Variants in CAPRIN2 observed in about 807,000 individuals in gnomAD.
CAPRIN2 encodes caprin-2.
Under a neutral mutation model 130.4 loss-of-function variants are expected in CAPRIN2, and 66 were observed. The ratio of observed to expected loss-of-function variants is 0.51; its 90% CI spans 0.42 to 0.62. The LOEUF (loss-of-function observed/expected upper bound fraction) is 0.62. Among genes scored for constraint, CAPRIN2 ranks in the 20% least tolerant of loss-of-function variants. The pLI is 0.00. For missense variants in CAPRIN2, 1,185 were observed against 1,246.6 expected (o/e 0.95, Z 0.74); for synonymous variants, 471 against 444.1 (o/e 1.06, Z -0.76).
intron 14 of CAPRIN2, among the ~76,000 whole-genome samples, chr12:30,714,221 A>T (rs2056568448): frequency 6.6e-6 from 1 of 152,068 alleles, no homozygotes; most frequent in Non-Finnish European, 1.5e-5. Flanking sequence ...TCGCTCTGTT[A>T]CTCAGGCTGG....
chr12:30,740,558 A>G (rs2066989948), intron 3 of CAPRIN2, among the ~76,000 whole-genome samples: 1 of 152,224 alleles, frequency 6.6e-6, no homozygotes, highest in Non-Finnish European at 1.5e-5. Context: ...ATTTAACTCT[A>G]TTTAACATGA....
intron 2 of CAPRIN2, among the ~76,000 whole-genome samples, chr12:30,748,228 T>C (rs188663977): frequency 3.9e-5 from 6 of 152,296 alleles, no homozygotes; most frequent in African/African-American, 1.4e-4. Flanking sequence ...TCTAACAGCA[T>C]CACATACTAC....
chr12:30,732,700 A>G (rs778854176), intron 5 of CAPRIN2, among the ~76,000 whole-genome samples: 1 of 152,050 alleles, frequency 6.6e-6, no homozygotes, highest in Non-Finnish European at 1.5e-5. Flanking sequence ...AGATTCATCT[A>G]TGTTGTTACA....
intron 8 of CAPRIN2, among the ~76,000 whole-genome samples, chr12:30,727,977 A>G (rs1052148915): frequency 1.3e-5 from 2 of 152,210 alleles, no homozygotes; most frequent in African/African-American, 4.8e-5. Context: ...ATAGCAGGTA[A>G]ATGACAACAA....
chr12:30,714,995 T>C (rs2056960750), exon 14 of CAPRIN2: 1 of 1,613,874 alleles, frequency 6.2e-7, no homozygotes, highest in South Asian at 1.1e-5. Flanking sequence ...GAATTGGTTA[T>C]TAATCTCCCA....
exon 8 of CAPRIN2, chr12:30,728,910 G>C (rs2137771029): frequency 6.2e-7 from 1 of 1,614,138 alleles, no homozygotes; most frequent in East Asian, 2.2e-5. Context: ...TTGCTTCTTT[G>C]GATCTTGTTC....
At chr12:30,733,670 T>C in exon 5 of CAPRIN2, 1 of 1,613,492 alleles carries the variant, frequency 6.2e-7, no homozygotes, top group Non-Finnish European at 8.5e-7. Flanking sequence ...TTCCAAAAGG[T>C]CCCAAAAGTA....
intron 2 of CAPRIN2, among the ~76,000 whole-genome samples, chr12:30,741,721 C>A (rs1384161440): frequency 6.6e-6 from 1 of 152,018 alleles, no homozygotes; most frequent in Admixed American, 6.5e-5. Context: ...TGAAACAGAA[C>A]AAGGTGGAGA....
At chr12:30,728,952 G>A (rs1310234450) in exon 8 of CAPRIN2, 2 of 1,614,158 alleles carry the variant, frequency 1.2e-6, no homozygotes, top group South Asian at 1.1e-5. Context: ...CAGCTTTGGT[G>A]TCTCCTGTTT....
intron 2 of CAPRIN2, among the ~76,000 whole-genome samples, chr12:30,744,331 AGTT>A (rs2068868270): frequency 6.6e-6 from 1 of 152,172 alleles, no homozygotes; most frequent in Non-Finnish European, 1.5e-5. Flanking sequence ...AAAAATCTGT[AGTT>A]GTTCCCTGCT....
chr12:30,720,990 CTAATA>C (rs1436453918), intron 11 of CAPRIN2, 75 bp from the exon 13 acceptor site: 3 of 991,828 alleles, frequency 3.0e-6, no homozygotes, highest in Admixed American at 1.8e-5. Context: ...CCTGGCCTTC[CTAATA>C]TGTTACTCTT....
In CAPRIN2 at chr12:30,739,714, C is replaced by CAA. The variant is rs370274976; in HGVS notation, c.570+1304_570+1305dup. On this transcript the variant is annotated intron_variant, in intron 3 of 16. Coordinates refer to ENST00000298892, the Ensembl canonical transcript of CAPRIN2. Reference sequence around the variant, plus strand: ...TGGGCGACAGGGCAAGACTCCGTCTCAAAAAAAAAAAAAAAAGAATAAGTT... The same window carrying CAA: ...TGGGCGACAGGGCAAGACTCCGTCTCAAAAAAAAAAAAAAAAAAGAATAAGTT... Among the ~76,000 whole-genome samples, 41 of 113,704 alleles carry CAA rather than the reference C, an allele frequency of 3.6e-4. 1 individual carries two copies. The highest frequency in any genetic ancestry group is 6.3e-4 in the African/African-American group (20 of 31,764). 74.6% of individuals were successfully genotyped at this position (113,704 alleles called of 152,430 possible).
intron 2 of CAPRIN2, among the ~76,000 whole-genome samples, chr12:30,748,726 G>C (rs2072031744): frequency 6.6e-6 from 1 of 151,942 alleles, no homozygotes; most frequent in Non-Finnish European, 1.5e-5. Flanking sequence ...TTGCATGTAT[G>C]AGGTGTGATT....
intron 12 of CAPRIN2, among the ~76,000 whole-genome samples, chr12:30,718,051 G>T (rs567911232): frequency 2.4e-4 from 37 of 152,320 alleles, no homozygotes; most frequent in African/African-American, 8.2e-4. Flanking sequence ...AACAGGCAGA[G>T]AAAACAGATT....
In CAPRIN2 at chr12:30,710,038, T is replaced by G; in HGVS notation, c.3098A>C (p.His1033Pro). The change falls in exon 17 of 17, where the codon CAT becomes CCT. Residue 1033 changes from histidine (H) to proline (P), a missense_variant. Physicochemically the swap from His to Pro is moderately conservative, Grantham distance 77 (BLOSUM62 -2). Transcript: ENST00000298892. This position sits in a 1 kb window ranked among gnomAD's most constrained non-coding sequence, Gnocchi z 4.8. ...AATTGCATGATTGCTAGCAGTTTCA[T>G]GGTCTGGAGCACCATCATTGGCATA... The G allele has an allele frequency of 6.2e-7, 1 of 1,614,186 alleles. No homozygotes were observed. The highest frequency in any genetic ancestry group is 8.5e-7 in the Non-Finnish European group (1 of 1,180,036).
intron 1 of CAPRIN2, 107 bp from the exon 3 acceptor site, chr12:30,751,240 A>C: frequency 1.2e-6 from 1 of 844,620 alleles, no homozygotes; most frequent in South Asian, 1.4e-5. Context: ...GAAGTAAGCT[A>C]TCAATCTGCA....
At chr12:30,739,421 G>C (rs1402579908) in intron 3 of CAPRIN2, among the ~76,000 whole-genome samples, 1 of 152,168 alleles carries the variant, frequency 6.6e-6, no homozygotes, top group Non-Finnish European at 1.5e-5. Flanking sequence ...GGTAAGAGGA[G>C]GGATAGGATT....
exon 1 of CAPRIN2, chr12:30,753,424 G>C: frequency 1.9e-6 from 3 of 1,614,034 alleles, no homozygotes; most frequent in Non-Finnish European, 2.5e-6. Context: ...GCTTGGGAAG[G>C]AGATGCAGCA....
intron 2 of CAPRIN2, among the ~76,000 whole-genome samples, chr12:30,748,415 G>A (rs2071831234): frequency 6.6e-6 from 1 of 152,212 alleles, no homozygotes; most frequent in East Asian, 1.9e-4. Context: ...TGAAGGCTCA[G>A]ATGACTATTA....
Sources: gnomAD v4.1 joint callset for allele counts (sites outside exome capture counted in the v4.1 genomes callset) on GRCh38, gnomAD v4.1.1 for gene constraint, Gnocchi (gnomAD v3.1) non-coding constraint, MANE v1.5 for transcripts, NCBI Gene and HGNC (gene_info 2026-07-23, HGNC 2026-07-21) for gene names.